CPA6: variants seen among roughly 807,000 people sequenced by gnomAD.
The protein encoded by CPA6 is carboxypeptidase A6.
Under a neutral mutation model 63.3 loss-of-function variants are expected in CPA6, and 58 were observed. The ratio of observed to expected loss-of-function variants is 0.92; its 90% CI spans 0.74 to 1.14. CPA6 has a LOEUF of 1.14. CPA6 is among the 50% of genes most tolerant of loss of function. The pLI is 0.00. For synonymous variants in CPA6, 185 were observed against 179.0 expected, an observed-to-expected ratio of 1.03 and a Z score of -0.27; for missense variants, 565 against 526.6, an observed-to-expected ratio of 1.07 and a Z score of -0.71.
At chr8:67,682,150 T>G (rs1024579312) in intron 1 of CPA6, among the ~76,000 whole-genome samples, 1 of 152,160 alleles carries the variant, frequency 6.6e-6, no homozygotes, top group Non-Finnish European at 1.5e-5. Context: ...CCAGGTTTAT[T>G]GAACTTGTTA....
intron 2 of CPA6, among the ~76,000 whole-genome samples, chr8:67,529,620 CTGGGATATAT>C (rs1812435105): frequency 6.6e-6 from 1 of 152,128 alleles, no homozygotes. Context: ...ACAGAAGAGG[CTGGGATATAT>C]TGGATAGAAA....
intron 6 of CPA6, 121 bp downstream of exon 6, chr8:67,506,666 A>C: frequency 1.5e-6 from 1 of 662,394 alleles, no homozygotes; most frequent in Non-Finnish European, 2.8e-6. Context: ...CATGGAATCA[A>C]GGTGTTACTG....
At chr8:67,713,089 GTGTGTGTGTGTATA>G (rs1817299122) in intron 1 of CPA6, among the ~76,000 whole-genome samples, 1 of 88,238 alleles carries the variant, frequency 1.1e-5, no homozygotes, top group Non-Finnish European at 2.2e-5. Flanking sequence ...GTGTATGTGT[GTGTGTGTGTGTATA>G]TATATATATA....
chr8:67,708,255 A>G (rs1252728989), intron 1 of CPA6, among the ~76,000 whole-genome samples: 2 of 152,250 alleles, frequency 1.3e-5, no homozygotes, highest in Non-Finnish European at 2.9e-5. Flanking sequence ...CTTTATGCAA[A>G]TAATCAGGCG....
rs140614214 is a variant in CPA6 at position 67,547,729 on chromosome 8, A to G, written c.193-29682T>C. On this transcript the variant is annotated intron_variant, in intron 2 of 10. Coordinates refer to ENST00000297770, the MANE Select transcript of CPA6 (RefSeq NM_020361.5). ...AGGGTGGTCTTGAACTCCTGGGCTC[A>G]TGCAATCCTCCCCCTCAGCCTCCCA... Among the ~76,000 whole-genome samples the G allele has an allele frequency of 8.2e-3, 1,250 of 152,076 alleles. 22 individuals carry two copies. Among genetic ancestry groups the G allele is most frequent in the African/African-American group, 0.029 (1,190 of 41,490 alleles).
intron 2 of CPA6, among the ~76,000 whole-genome samples, chr8:67,612,683 G>A (rs1021280639): frequency 3.9e-5 from 6 of 152,202 alleles, no homozygotes; most frequent in South Asian, 2.1e-4. Flanking sequence ...TATACAACTC[G>A]GAAAACAAAA....
intron 1 of CPA6, chr8:67,735,607 GTATTA>G (rs1055008026): frequency 1.3e-5 from 2 of 151,636 alleles, no homozygotes; most frequent in Admixed American, 6.6e-5. Flanking sequence ...ATAATACCTT[GTATTA>G]TATTCTGATT....
At chr8:67,605,531 CT>C (rs68153641) in intron 2 of CPA6, among the ~76,000 whole-genome samples, 7,465 of 125,020 alleles carry the variant, frequency 0.06, 210 homozygotes, top group African/African-American at 0.13. Flanking sequence ...TATTGTATTG[CT>C]TTTTTTTTTT....
intron 8 of CPA6, among the ~76,000 whole-genome samples, chr8:67,465,104 T>C (rs1232154348): frequency 1.3e-5 from 2 of 152,202 alleles, no homozygotes; most frequent in African/African-American, 2.4e-5. Flanking sequence ...TTGGGCAGTA[T>C]GGCCATTTTA....
Position 67,682,523 on chromosome 8 carries a change from T to C in CPA6, c.117-58272A>G, listed in dbSNP as rs148714553. Among the ~76,000 whole-genome samples, 218 of 152,360 alleles carry C rather than the reference T, an allele frequency of 1.4e-3. 3 individuals are homozygous for C. Among genetic ancestry groups the C allele is most frequent in the Non-Finnish European group, 6.0e-4 (41 of 68,026 alleles). On this transcript the variant is annotated intron_variant, in intron 1 of 10. Transcript: ENST00000297770. ...GTGGCATCTGTGAGACTGTTTCTAT[T>C]GATCTTTCTTATTGTAGCTCATATT...
chr8:67,628,975 T>C (rs985194099), intron 1 of CPA6, among the ~76,000 whole-genome samples: 1 of 152,010 alleles, frequency 6.6e-6, no homozygotes, highest in African/African-American at 2.4e-5. Context: ...ATTATCTGGG[T>C]GTGGTGGCAC....
intron 1 of CPA6, among the ~76,000 whole-genome samples, chr8:67,678,951 A>G (rs1325384674): frequency 6.6e-6 from 1 of 152,242 alleles, no homozygotes; most frequent in African/African-American, 2.4e-5. Flanking sequence ...TGTTGAGTGA[A>G]AAAACTCAGA....
At chr8:67,585,052 G>A (rs1813889204) in intron 2 of CPA6, among the ~76,000 whole-genome samples, 1 of 152,126 alleles carries the variant, frequency 6.6e-6, no homozygotes, top group Admixed American at 6.6e-5. Context: ...TAAACATTTG[G>A]AAAACTCATT....
chr8:67,591,997 C>T (rs371089635), intron 2 of CPA6, among the ~76,000 whole-genome samples: 1 of 152,142 alleles, frequency 6.6e-6, no homozygotes, highest in South Asian at 2.1e-4. Context: ...AGTTTTTGCC[C>T]ATTCAGTATG....
intron 1 of CPA6, among the ~76,000 whole-genome samples, chr8:67,684,017 A>G (rs1449209467): frequency 1.4e-5 from 2 of 144,938 alleles, no homozygotes; most frequent in African/African-American, 5.0e-5. Flanking sequence ...ATATATATAT[A>G]TATATATATA....
chr8:67,614,923 G>C (rs1310048616), intron 2 of CPA6, among the ~76,000 whole-genome samples: 2 of 152,134 alleles, frequency 1.3e-5, no homozygotes, highest in Non-Finnish European at 2.9e-5. Context: ...ATGTCTCCAG[G>C]GGTCTTACTT....
At chr8:67,553,213 C>A (rs1812988947) in intron 2 of CPA6, among the ~76,000 whole-genome samples, 1 of 152,146 alleles carries the variant, frequency 6.6e-6, no homozygotes, top group Non-Finnish European at 1.5e-5. Context: ...TTGTAAGATG[C>A]ATCCTAATTT....
At chr8:67,542,195 C>G (rs1812722640) in intron 2 of CPA6, among the ~76,000 whole-genome samples, 1 of 152,240 alleles carries the variant, frequency 6.6e-6, no homozygotes, top group African/African-American at 2.4e-5. Context: ...CACTAGGCAG[C>G]TCTGCAGTCA....
chr8:67,718,447 C>T (rs934672298), intron 1 of CPA6, among the ~76,000 whole-genome samples: 1 of 152,048 alleles, frequency 6.6e-6, no homozygotes, highest in Non-Finnish European at 1.5e-5. Context: ...AGGCTAGGAC[C>T]ATGGGTTATG....
Sources: gnomAD v4.1 joint callset for allele counts (sites outside exome capture counted in the v4.1 genomes callset) on GRCh38, gnomAD v4.1.1 for gene constraint, MANE v1.5 for transcripts, NCBI Gene and HGNC (gene_info 2026-07-23, HGNC 2026-07-21) for gene names.